Variants in SCYL3 observed in about 807,000 individuals in gnomAD.
The protein encoded by SCYL3 is protein-associating with the carboxyl-terminal domain of ezrin.
In SCYL3, 35 loss-of-function variants were observed where a neutral mutation model predicts 73.8. That is an observed-to-expected ratio of 0.47 (90% confidence interval 0.36 to 0.63). SCYL3 has a LOEUF of 0.63. SCYL3 is among the 20% of genes least tolerant of loss of function. The pLI is 0.00. For synonymous variants in SCYL3, 277 were observed against 295.2 expected (o/e 0.94, Z 0.63); for missense variants, 712 against 798.9 (o/e 0.89, Z 1.31).
chr1:169,868,869 A>G (rs1170133892), intron 7 of SCYL3, 59 bp downstream of exon 7: 1 of 1,262,186 alleles, frequency 7.9e-7, no homozygotes, highest in Non-Finnish European at 1.1e-6. Context: ...TATCCAAGGC[A>G]CAAGAGCAGG....
At position 169,851,705 on chromosome 1, in the gene SCYL3, C is replaced by G. The variant is rs1571357775; in HGVS notation, c.*2008G>C. The G allele has an allele frequency of 7.6e-7, 1 of 1,316,434 alleles. No homozygotes were observed. The highest frequency in any genetic ancestry group is 2.3e-5 in the East Asian group (1 of 43,134). 81.5% of individuals were successfully genotyped at this position (1,316,434 alleles called of 1,614,324 possible). A position where few individuals can be genotyped will look rare whatever the true frequency, so the allele number is the denominator to read the frequency against. On this transcript the variant is annotated 3_prime_UTR_variant, in exon 13 of 13. Coordinates refer to ENST00000367771, the MANE Select transcript of SCYL3 (RefSeq NM_020423.7). Reference sequence around the variant, plus strand: ...TTTATAGATCAGTCCATGTGACTTCCAGAATTTGCCTAGTATGGTTGAACA... The same window carrying G: ...TTTATAGATCAGTCCATGTGACTTCGAGAATTTGCCTAGTATGGTTGAACA...
intron 11 of SCYL3, among the ~76,000 whole-genome samples, chr1:169,857,945 T>C (rs1163780243): frequency 1.3e-5 from 2 of 152,184 alleles, no homozygotes; most frequent in Non-Finnish European, 2.9e-5. Flanking sequence ...AATATAATGA[T>C]ACATGGTATA....
intron 4 of SCYL3, 44 bp from the exon 5 acceptor site, chr1:169,873,796 T>G (rs545797899): frequency 7.2e-7 from 1 of 1,380,322 alleles, no homozygotes; most frequent in Non-Finnish European, 1.0e-6. Flanking sequence ...ATACATATGT[T>G]TGGTGAACTA....
chr1:169,878,751 A>T lies in SCYL3; in HGVS notation c.234T>A (p.Ile78=), dbSNP rs1275666368. The T allele has an allele frequency of 1.9e-6, 3 of 1,614,076 alleles. No individual in the cohort carries two copies. Among genetic ancestry groups the T allele is most frequent in the Non-Finnish European group, 2.5e-6 (3 of 1,180,018 alleles). ...GCTGTACTCGCTCAGTGACAAGATG[A>T]ATGCCATCCGCTTCCACAGTACAAG... ...FLSCTVEADG[I]HLVTERVQPL... Residue 78 remains isoleucine (I), a synonymous_variant, in exon 3 of 13, where the codon ATT becomes ATA. Transcript: ENST00000367771.
In SCYL3 at chr1:169,849,919, G is replaced by T. The variant is rs1489907853; in HGVS notation, c.*3794C>A. The T allele has an allele frequency of 1.7e-5, 8 of 461,158 alleles. No homozygotes were observed. The highest frequency in any genetic ancestry group is 3.1e-5 in the Non-Finnish European group (8 of 256,618). 28.6% of individuals were successfully genotyped at this position (461,158 alleles called of 1,614,324 possible). On this transcript the variant is annotated 3_prime_UTR_variant, in exon 13 of 13. Coordinates refer to ENST00000367771, the MANE Select transcript of SCYL3 (RefSeq NM_020423.7). ...GTCAAATGATAATACATTTCATTTT[G>T]TGCTATCAGTCATAAGGGTTAGGCT... is the stretch of plus-strand genomic sequence containing the variant.
At chr1:169,857,645 T>G (rs564501756) in intron 11 of SCYL3, among the ~76,000 whole-genome samples, 10 of 152,356 alleles carry the variant, frequency 6.6e-5, no homozygotes, top group African/African-American at 2.4e-4. Context: ...TAGACTTCTA[T>G]GTATTGGGAG....
chr1:169,878,152 CAATT>C (rs1156886992), intron 3 of SCYL3, among the ~76,000 whole-genome samples: 1 of 152,136 alleles, frequency 6.6e-6, no homozygotes, highest in Non-Finnish European at 1.5e-5. Context: ...GGCTGTCTCT[CAATT>C]GGCCCCAACT....
chr1:169,853,469 C>T lies in SCYL3; in HGVS notation c.*244G>A, dbSNP rs777487844. On this transcript the variant is annotated 3_prime_UTR_variant, in exon 13 of 13. Transcript: ENST00000367771. ...CTACTTGCTCTTCATAGAAACTGGC[C>T]TCAGTCAAATGCACAAAGGCTCTTC... 9 of 468,996 alleles carry T rather than the reference C, an allele frequency of 1.9e-5. No homozygotes were observed. Among genetic ancestry groups the T allele is most frequent in the South Asian group, 4.0e-5 (1 of 25,142 alleles). 29.1% of individuals were successfully genotyped at this position (468,996 alleles called of 1,614,324 possible). A position where few individuals can be genotyped will look rare whatever the true frequency, so the allele number is the denominator to read the frequency against.
Position 169,850,420 on chromosome 1 carries a change from A to T in SCYL3, c.*3293T>A. 1.1e-5 allele frequency: 11 copies of T among 961,054 alleles called. No individual in the cohort carries two copies. Among genetic ancestry groups the T allele is most frequent in the South Asian group, 7.5e-5 (5 of 66,498 alleles). The allele number at this position is 961,054 out of a possible 1,614,324, so 59.5% of individuals were successfully genotyped here. On this transcript the variant is annotated 3_prime_UTR_variant, in exon 13 of 13. Transcript: ENST00000367771. ...TTCCGAAATTATGTAACTGTAACCAACCTGAGTGTCTTCTTAGCTTAAACT... is the reference window on the plus strand; with the variant it reads ...TTCCGAAATTATGTAACTGTAACCATCCTGAGTGTCTTCTTAGCTTAAACT...
chr1:169,868,742 CT>C (rs1192600080), intron 7 of SCYL3, among the ~76,000 whole-genome samples, 185 bp downstream of exon 7: 1 of 152,158 alleles, frequency 6.6e-6, no homozygotes, highest in Non-Finnish European at 1.5e-5. Context: ...TAATAGGAAA[CT>C]GACAGACAAC....
rs1455565476 is a variant in SCYL3, at chr1:169,870,303, A to C, written c.577T>G (p.Ser193Ala). 1.2e-6 allele frequency: 2 copies of C among 1,613,228 alleles called. No homozygotes were observed. Among genetic ancestry groups the C allele is most frequent in the East Asian group, 4.5e-5 (2 of 44,842 alleles). ...ECHGHARDAF[S>A]FGTLVESLLT... ...AAACTTTCCACCAATGTTCCAAATG[A>C]AAAGGCATCCCGGGCATGTCCATGA... Residue 193 changes from serine to alanine, a missense_variant, in exon 6 of 13, where the codon TCA becomes GCA. By Grantham distance (99) the Ser-to-Ala change is moderately conservative. Around this residue, in one of 2 missense-constraint regions of SCYL3, gnomAD observed 342 missense variants for 448.1 expected, o/e 0.76. Transcript: ENST00000367771.
chr1:169,886,378 T>C (rs1052667292), intron 2 of SCYL3, among the ~76,000 whole-genome samples: 6 of 152,158 alleles, frequency 3.9e-5, no homozygotes, highest in South Asian at 2.1e-4. Flanking sequence ...CTTTTGGGCA[T>C]AGCCATCATC....
intron 1 of SCYL3, among the ~76,000 whole-genome samples, chr1:169,890,199 G>T (rs1661980768): frequency 6.6e-6 from 1 of 152,214 alleles, no homozygotes; most frequent in Admixed American, 6.5e-5. Context: ...CTTATCGTGA[G>T]GAACCAAGAG....
chr1:169,850,980 C>CTTTTTTTTTTTTTTTTTT lies in SCYL3; in HGVS notation c.*2715_*2732dup, dbSNP rs869158038. 1.6e-4 allele frequency: 5 copies of CTTTTTTTTTTTTTTTTTT among 31,580 alleles called. 1 individual carries two copies. Among genetic ancestry groups the CTTTTTTTTTTTTTTTTTT allele is most frequent in the East Asian group, 1.4e-3 (1 of 726 alleles). 2.0% of individuals were successfully genotyped at this position (31,580 alleles called of 1,614,324 possible). ...TATTTTGGGTATAATTTAGGCATGG[C>CTTTTTTTTTTTTTTTTTT]TTTTTTTTTTTTTTTTTTTTTTTTT... On this transcript the variant is annotated 3_prime_UTR_variant, in exon 13 of 13. Transcript: ENST00000367771.
intron 10 of SCYL3, 102 bp from the exon 11 acceptor site, chr1:169,859,314 A>T: frequency 1.8e-6 from 2 of 1,129,986 alleles, no homozygotes; most frequent in Non-Finnish European, 2.5e-6. Context: ...GCTTAGATAA[A>T]CTACATTATC....
chr1:169,874,307 C>T (rs575206838), intron 4 of SCYL3, among the ~76,000 whole-genome samples: 46 of 152,250 alleles, frequency 3.0e-4, no homozygotes, highest in African/African-American at 1.1e-3. Flanking sequence ...ACTAGGAATA[C>T]AAGATGAATG....
At chr1:169,855,714 C>G in intron 11 of SCYL3, 3 of 1,334,728 alleles carry the variant, frequency 2.2e-6, no homozygotes, top group South Asian at 1.5e-5. Context: ...TCTCAAAACT[C>G]CCAAAACACC....
At chr1:169,882,516 AG>A (rs1466888849) in intron 2 of SCYL3, among the ~76,000 whole-genome samples, 6 of 152,192 alleles carry the variant, frequency 3.9e-5, no homozygotes, top group African/African-American at 1.4e-4. Flanking sequence ...TGGGACTGGC[AG>A]GCAGCTCCAC....
intron 12 of SCYL3, 76 bp from the exon 13 acceptor site, chr1:169,853,848 C>G: frequency 3.2e-6 from 5 of 1,539,132 alleles, no homozygotes; most frequent in East Asian, 4.5e-5. Flanking sequence ...TTTGAAAAAG[C>G]AGGAATTTAA....
Sources: allele counts gnomAD v4.1 joint callset (sites outside exome capture counted in the v4.1 genomes callset), GRCh38; gene constraint gnomAD v4.1.1; regional missense constraint gnomAD v4.1.1; transcripts MANE v1.5; gene names NCBI Gene and HGNC (gene_info 2026-07-23, HGNC 2026-07-21).